Variants in ARID1B observed in about 807,000 individuals in gnomAD.
The protein encoded by ARID1B is AT-rich interaction domain 1B, also known as AT-rich interactive domain-containing protein 1B.
Under a neutral mutation model 212.3 loss-of-function variants are expected in ARID1B, and 30 were observed. The observed-to-expected ratio is 0.14, with a 90% CI of 0.11 to 0.19. The LOEUF is 0.19. ARID1B is among the 10% of genes least tolerant of loss of function. ARID1B has a pLI of 1.00. For synonymous variants in ARID1B, 1,402 were observed against 1,301.7 expected (o/e 1.08, Z -1.66); for missense variants, 2,891 against 3,204.0 (o/e 0.90, Z 2.36).
intron 7 of ARID1B, among the ~76,000 whole-genome samples, chr6:157,135,776 A>C (rs915652867): frequency 6.6e-5 from 10 of 152,172 alleles, no homozygotes; most frequent in African/African-American, 2.4e-4. Context: ...AAGGGATCCT[A>C]ATAAAGGGTT....
At chr6:156,990,916 A>G (rs1050370485) in intron 4 of ARID1B, among the ~76,000 whole-genome samples, 7 of 152,232 alleles carry the variant, frequency 4.6e-5, no homozygotes, top group Admixed American at 3.9e-4. Flanking sequence ...AGCCAAGATG[A>G]TTAATAATTA....
chr6:157,138,737 A>G (rs1370921434), intron 7 of ARID1B, among the ~76,000 whole-genome samples: 10 of 152,218 alleles, frequency 6.6e-5, no homozygotes, highest in Admixed American at 6.5e-4. Context: ...TTCTTCAAAC[A>G]GGTTGATGCA....
intron 4 of ARID1B, among the ~76,000 whole-genome samples, chr6:156,993,216 A>G (rs951677223): frequency 6.6e-5 from 10 of 151,880 alleles, no homozygotes; most frequent in Admixed American, 2.6e-4. Flanking sequence ...TAATTTTTGT[A>G]TTTTTAGTAG....
intron 2 of ARID1B, among the ~76,000 whole-genome samples, chr6:156,888,348 G>A (rs1787677765): frequency 1.3e-5 from 2 of 152,194 alleles, no homozygotes; most frequent in Admixed American, 6.5e-5. Flanking sequence ...ATGTGCTTGT[G>A]GACCAAGTGG....
At position 157,207,388 on chromosome 6, in the gene ARID1B, C is replaced by T. The variant is rs2128397796; in HGVS notation, c.6616C>T (p.Leu2206=). Residue 2206 remains leucine, a synonymous_variant, in exon 20 of 20, where the codon CTG becomes TTG. Coordinates refer to ENST00000636930, the MANE Select transcript of ARID1B (RefSeq NM_001374828.1). The surrounding 1 kb of genome is among the most constrained non-coding windows in gnomAD (Gnocchi z 8.5). ...GGTCCTGTCGCCTCAGAGACTTGTGCTGGAGACCCTCTGTAAACTCAGTAT... is the reference window on the plus strand; with the variant it reads ...GGTCCTGTCGCCTCAGAGACTTGTGTTGGAGACCCTCTGTAAACTCAGTAT... ...NSVLSPQRLV[L]ETLCKLSIQD... is the part of the protein sequence containing the mutation. The T allele has an allele frequency of 3.1e-6, 5 of 1,614,178 alleles. No individual in the cohort carries two copies. The highest frequency in any genetic ancestry group is 2.2e-5 in the South Asian group (2 of 91,082).
intron 2 of ARID1B, among the ~76,000 whole-genome samples, chr6:156,853,930 A>C (rs1419788250): frequency 1.3e-5 from 2 of 152,012 alleles, no homozygotes; most frequent in Non-Finnish European, 2.9e-5. Context: ...ATGGGGTCTC[A>C]CTATGTTGCC....
At chr6:156,782,068 C>A (rs568342612) in intron 1 of ARID1B, among the ~76,000 whole-genome samples, 53 of 137,862 alleles carry the variant, frequency 3.8e-4, no homozygotes, top group Non-Finnish European at 6.8e-4. Context: ...AGTACCTTAC[C>A]GTGTAACATG....
chr6:156,920,831 T>TTCTTTC (rs1304224695), intron 3 of ARID1B, among the ~76,000 whole-genome samples: 3 of 151,964 alleles, frequency 2.0e-5, no homozygotes, highest in Non-Finnish European at 4.4e-5. Flanking sequence ...TGGTTTTCTT[T>TTCTTTC]TCTTTCTCTT....
chr6:156,877,870 T>C (rs11156121), intron 2 of ARID1B, among the ~76,000 whole-genome samples: 51,758 of 151,506 alleles, frequency 0.34, 9,274 homozygotes, highest in African/African-American at 0.45. Flanking sequence ...CCTCCATACC[T>C]AGCTAATTTT....
intron 2 of ARID1B, among the ~76,000 whole-genome samples, chr6:156,850,464 C>G (rs936249132): frequency 6.6e-6 from 1 of 152,040 alleles, no homozygotes; most frequent in Non-Finnish European, 1.5e-5. Flanking sequence ...GGCTATGCCA[C>G]TTTTAAGACA....
At chr6:157,004,600 CT>C (rs1488556507) in intron 4 of ARID1B, among the ~76,000 whole-genome samples, 1 of 152,102 alleles carries the variant, frequency 6.6e-6, no homozygotes, top group African/African-American at 2.4e-5. Context: ...AAGTTGGTCT[CT>C]TTTATAAGAA....
chr6:157,166,798 T>C (rs1416546234), intron 8 of ARID1B: 2 of 406,700 alleles, frequency 4.9e-6, no homozygotes, highest in Non-Finnish European at 8.6e-6. Flanking sequence ...ACACTTGACA[T>C]GATTAAAAAT....
intron 4 of ARID1B, among the ~76,000 whole-genome samples, chr6:156,945,164 T>A (rs1300029067): frequency 1.4e-5 from 2 of 144,772 alleles, no homozygotes; most frequent in East Asian, 4.1e-4. Context: ...CTTGATCTCC[T>A]GACCTTGTGA....
intron 17 of ARID1B, among the ~76,000 whole-genome samples, chr6:157,199,449 T>C (rs1793951950): frequency 6.6e-6 from 1 of 152,036 alleles, no homozygotes; most frequent in Non-Finnish European, 1.5e-5. Flanking sequence ...ATCTCCCCCT[T>C]ACAGTGACCA....
intron 1 of ARID1B, among the ~76,000 whole-genome samples, chr6:156,815,877 T>G (rs192728632): frequency 5.4e-4 from 82 of 152,340 alleles, no homozygotes; most frequent in African/African-American, 1.9e-3. Flanking sequence ...ATTTTTACAT[T>G]TTTATGTCAT....
At chr6:156,854,766 C>G (rs1784808312) in intron 2 of ARID1B, among the ~76,000 whole-genome samples, 1 of 152,232 alleles carries the variant, frequency 6.6e-6, no homozygotes, top group African/African-American at 2.4e-5. Context: ...ACAGATGAAA[C>G]AGTGAAAGAT....
intron 4 of ARID1B, among the ~76,000 whole-genome samples, chr6:156,980,248 C>T (rs931634597): frequency 8.6e-5 from 13 of 151,984 alleles, no homozygotes; most frequent in Non-Finnish European, 1.3e-4. Context: ...TTTGGTAGGC[C>T]GAGGTGGGTA....
At chr6:157,038,082 GC>G (rs1475070523) in intron 4 of ARID1B, among the ~76,000 whole-genome samples, 1 of 152,160 alleles carries the variant, frequency 6.6e-6, no homozygotes, top group Non-Finnish European at 1.5e-5. Flanking sequence ...GGAGGCATTT[GC>G]CTTTTGTACA....
At chr6:157,101,960 A>T (rs1310950767) in intron 5 of ARID1B, among the ~76,000 whole-genome samples, 1 of 152,142 alleles carries the variant, frequency 6.6e-6, no homozygotes, top group Non-Finnish European at 1.5e-5. Context: ...GGAAGGAATA[A>T]TTTTTCTATG....
Sources: gnomAD v4.1 joint callset for allele counts (sites outside exome capture counted in the v4.1 genomes callset) on GRCh38, gnomAD v4.1.1 for gene constraint, Gnocchi (gnomAD v3.1) non-coding constraint, MANE v1.5 for transcripts, NCBI Gene and HGNC (gene_info 2026-07-23, HGNC 2026-07-21) for gene names.